The following TCOF1 variants were observed in gnomAD, a reference collection of about 807,000 sequenced individuals.
TCOF1 encodes treacle protein.
In TCOF1, 33 loss-of-function variants were observed where a neutral mutation model predicts 149.0. The ratio of observed to expected loss-of-function variants is 0.22; its 90% CI spans 0.17 to 0.30. The LOEUF (loss-of-function observed/expected upper bound fraction) is 0.30. TCOF1 is among the 10% of genes least tolerant of loss of function. The pLI is 1.00. For synonymous variants in TCOF1, 789 were observed against 738.8 expected (o/e 1.07, Z -1.10); for missense variants, 1,728 against 1,840.7 (o/e 0.94, Z 1.12).
Position 150,376,445 on chromosome 5 carries a change from T to C in TCOF1, c.2165T>C (p.Leu722Pro), listed in dbSNP as rs1420983692. The C allele has an allele frequency of 1.2e-6, 2 of 1,614,196 alleles. No homozygotes were observed. Among genetic ancestry groups the C allele is most frequent in the South Asian group, 2.2e-5 (2 of 91,082 alleles). Residue 722 changes from leucine to proline, a missense_variant, in exon 14 of 27, where the codon CTC becomes CCC. By Grantham distance (98) the Leu-to-Pro change is moderately conservative (BLOSUM62 -3). Transcript: ENST00000643257. ...VGQAKSVGKG[L>P]QVKAASVPVK... ...CAGGCAAAGTCTGTGGGGAAAGGCC[T>C]CCAGGTGAAAGCAGCCTCAGTGCCT...
At chr5:150,383,977 C>T in intron 17 of TCOF1, 25 of 1,421,262 alleles carry the variant, frequency 1.8e-5, no homozygotes, top group Non-Finnish European at 2.3e-5. Context: ...CAGCATTACC[C>T]TTTGTCCTCC....
chr5:150,374,606 T>TGA lies in TCOF1; in HGVS notation c.1084-10_1084-9insAG, dbSNP rs746636582. 23 of 1,612,692 alleles carry TGA rather than the reference T, an allele frequency of 1.4e-5. No homozygotes were observed. Among genetic ancestry groups the TGA allele is most frequent in the Non-Finnish European group, 1.8e-5 (21 of 1,179,950 alleles). ...TCCTCTGGGCTGTCTCCCCTTGTCT[T>TGA]GTTTCTCCAGGCGAAGGCCTCAGGA... is the stretch of plus-strand genomic sequence containing the variant. On this transcript the variant is annotated splice_polypyrimidine_tract_variant and intron_variant, in intron 8 of 26. Coordinates refer to ENST00000643257, the MANE Select transcript of TCOF1 (RefSeq NM_001371623.1).
chr5:150,375,530 G>A lies in TCOF1; in HGVS notation c.1680G>A (p.Val560=). 6.2e-7 allele frequency: 1 copy of A among 1,614,110 alleles called. No homozygotes were observed. The highest frequency in any genetic ancestry group is 1.3e-5 in the African/African-American group (1 of 75,042). The change falls in exon 11 of 27, where the codon GTG becomes GTA. Residue 560 remains valine (V), a synonymous_variant. Coordinates refer to ENST00000643257, the MANE Select transcript of TCOF1 (RefSeq NM_001371623.1). The stretch of plus-strand genomic sequence containing the variant: ...CATCAGACAGCAGTGATGGAGAGGT[G>A]CCCACAGCTGTGGCCCCGGCTCAGG... The part of the protein sequence containing the change: ...EESSDSSDGE[V]PTAVAPAQEK...
intron 6 of TCOF1, among the ~76,000 whole-genome samples, chr5:150,371,100 A>G (rs796836031): frequency 1.9e-4 from 29 of 152,268 alleles, no homozygotes; most frequent in African/African-American, 6.5e-4. Flanking sequence ...GGGCTGGGAG[A>G]CCAAGGTGTC....
intron 25 of TCOF1, 85 bp downstream of exon 25, chr5:150,398,536 C>T: frequency 6.3e-7 from 1 of 1,596,962 alleles, no homozygotes; most frequent in Non-Finnish European, 8.5e-7. Flanking sequence ...GTTCCTGCCC[C>T]CTTCCCATTT....
chr5:150,385,169 G>A (rs994425342), intron 17 of TCOF1: 20 of 886,122 alleles, frequency 2.3e-5, no homozygotes, highest in Admixed American at 6.2e-5. Flanking sequence ...TTCACTTGTC[G>A]GTAATATTTT....
chr5:150,389,291 T>C (rs1374610958), intron 18 of TCOF1, among the ~76,000 whole-genome samples: 7 of 152,234 alleles, frequency 4.6e-5, no homozygotes. Context: ...AAGACCATAC[T>C]GTATCTAATG....
chr5:150,396,772 G>A lies in TCOF1; in HGVS notation c.4275G>A (p.Gly1425=). ...AGCCAGAAGAGGAGCTTCAGAAGGGGATGGGGACGGTTGAAGGTGGAGATC... is the reference window on the plus strand; with the variant it reads ...AGCCAGAAGAGGAGCTTCAGAAGGGAATGGGGACGGTTGAAGGTGGAGATC... The part of the protein sequence containing the change: ...KDEPEEELQK[G]MGTVEGGDQS... The change falls in exon 24 of 27, where the codon GGG becomes GGA. Residue 1425 remains glycine, a synonymous_variant. Coordinates refer to ENST00000643257, the MANE Select transcript of TCOF1 (RefSeq NM_001371623.1). 1 of 1,612,002 alleles carries A rather than the reference G, an allele frequency of 6.2e-7. No homozygotes were observed.
chr5:150,391,835 C>A, intron 20 of TCOF1, 122 bp from the exon 21 acceptor site: 1 of 1,185,838 alleles, frequency 8.4e-7, no homozygotes, highest in Non-Finnish European at 1.2e-6. Flanking sequence ...TTGGAAGGAT[C>A]AAATGAGGCT....
Position 150,374,757 on chromosome 5 carries a change from G to A in TCOF1, c.1224G>A (p.Glu408=). ...AGGCCCAGGCGGGGAAGCGGGAGGAGGACTCGCAGAGCAGCAGCGAGGAAT... is the reference window on the plus strand; with the variant it reads ...AGGCCCAGGCGGGGAAGCGGGAGGAAGACTCGCAGAGCAGCAGCGAGGAAT... ...VAKAQAGKRE[E]DSQSSSEESD... The change falls in exon 9 of 27, where the codon GAG becomes GAA. Residue 408 remains glutamate (E), a synonymous_variant. Transcript: ENST00000643257. 6.2e-7 allele frequency: 1 copy of A among 1,613,020 alleles called. No homozygotes were observed. The highest frequency in any genetic ancestry group is 1.1e-5 in the South Asian group (1 of 91,022).
chr5:150,384,840 T>G, intron 17 of TCOF1: 1 of 985,486 alleles, frequency 1.0e-6, no homozygotes, highest in Non-Finnish European at 1.2e-6. Flanking sequence ...ATTGTACATT[T>G]ATTGAGCACC....
chr5:150,383,140 G>C (rs895273303), intron 17 of TCOF1: 2 of 1,535,960 alleles, frequency 1.3e-6, no homozygotes, highest in African/African-American at 2.7e-5. Flanking sequence ...GGGGTCCTCG[G>C]AGAGCAGTGA....
Position 150,379,555 on chromosome 5 carries a change from C to T in TCOF1, c.2682C>T (p.His894=). The T allele has an allele frequency of 6.2e-7, 1 of 1,614,182 alleles. No individual in the cohort carries two copies. The highest frequency in any genetic ancestry group is 8.5e-7 in the Non-Finnish European group (1 of 1,180,028). The change falls in exon 17 of 27, where the codon CAC becomes CAT. Residue 894 remains histidine (H), a synonymous_variant. Transcript: ENST00000643257. ...AGGTGAAGCCTTCAGGGAAGACCCA[C>T]CAGATCAGAGCTGCCTTGGCTCCTG... is the stretch of plus-strand genomic sequence containing the variant. The part of the protein sequence containing the change: ...LAQVKPSGKT[H]QIRAALAPAK...
rs1182387767 is a variant in TCOF1 at position 150,379,529 on chromosome 5, C to T, written c.2659-3C>T. On this transcript the variant is annotated splice_polypyrimidine_tract_variant and splice_region_variant and intron_variant, in intron 16 of 26. Coordinates refer to ENST00000643257, the MANE Select transcript of TCOF1 (RefSeq NM_001371623.1). ...TCTCCTCTCATCCTGTTTCTCCCTC[C>T]AGGTGAAGCCTTCAGGGAAGACCCA... 1 of 1,614,060 alleles carries T rather than the reference C, an allele frequency of 6.2e-7. No individual in the cohort carries two copies. The highest frequency in any genetic ancestry group is 8.5e-7 in the Non-Finnish European group (1 of 1,180,012).
intron 17 of TCOF1, chr5:150,385,079 T>C (rs1561519530): frequency 2.0e-6 from 2 of 985,282 alleles, no homozygotes; most frequent in East Asian, 1.1e-4. Context: ...GTGATACATA[T>C]GTTAAATAAC....
intron 17 of TCOF1, chr5:150,384,604 AAC>A (rs1484357547): frequency 6.3e-5 from 62 of 985,482 alleles, no homozygotes; most frequent in African/African-American, 7.0e-5. Context: ...GGGGTGGACT[AAC>A]ACAATTAAAA....
rs2071240 is a variant in TCOF1, at chr5:150,376,181, G to C, written c.1993G>C (p.Ala665Pro). ...KVAPVRVGTQ[A>P]PRKAGTATSP... ...CGCCCCTGTGCGAGTGGGCACCCAA[G>C]CCCCCCGGAAAGCAGGAACTGCGAC... The change falls in exon 13 of 27, where the codon GCC becomes CCC. Residue 665 changes from alanine to proline, a missense_variant. Physicochemically the swap from Ala to Pro is conservative, Grantham distance 27. This residue lies in a region of TCOF1 where 1,696 missense variants were observed against 1,765.4 expected (regional missense o/e 0.96). Coordinates refer to ENST00000643257, the MANE Select transcript of TCOF1 (RefSeq NM_001371623.1). 122,536 of 1,614,178 alleles carry C rather than the reference G, an allele frequency of 0.076. 5,149 individuals carry two copies. Among genetic ancestry groups the C allele is most frequent in the South Asian group, 0.092 (8,409 of 91,090 alleles).
Position 150,364,243 on chromosome 5 carries a change from G to A in TCOF1, c.295G>A (p.Ala99Thr), listed in dbSNP as rs112332762. ...GGAGGAAGAAGCAGAAGCCGAAACC[G>A]CCAAAGCCAGTAAGAGCCTTGCAGC... ...EEEEEAEAET[A>T]KATPRLASTN... is the part of the protein sequence containing the mutation. Residue 99 changes from alanine (A) to threonine (T), a missense_variant, in exon 3 of 27, where the codon GCC (alanine) becomes ACC (threonine). This residue lies in a region of TCOF1 where 1,696 missense variants were observed against 1,765.4 expected (regional missense o/e 0.96). Coordinates refer to ENST00000643257, the MANE Select transcript of TCOF1 (RefSeq NM_001371623.1). 2.8e-3 allele frequency: 4,588 copies of A among 1,614,044 alleles called. 14 individuals are homozygous for A. The highest frequency in any genetic ancestry group is 0.014 in the Middle Eastern group (87 of 6,062).
intron 3 of TCOF1, among the ~76,000 whole-genome samples, chr5:150,367,284 G>A (rs1256376643): frequency 6.6e-6 from 1 of 152,146 alleles, no homozygotes; most frequent in Non-Finnish European, 1.5e-5. Flanking sequence ...CAGCCTGGGC[G>A]ACAGAGCAGG....
Sources: allele counts gnomAD v4.1 joint callset (sites outside exome capture counted in the v4.1 genomes callset), GRCh38; gene constraint gnomAD v4.1.1; regional missense constraint gnomAD v4.1.1; transcripts MANE v1.5; gene names NCBI Gene and HGNC (gene_info 2026-07-23, HGNC 2026-07-21).